Variants in FHDC1 observed in about 807,000 individuals in gnomAD.
The protein encoded by FHDC1 is FH2 domain-containing protein 1.
In FHDC1, 25 loss-of-function variants were observed where a neutral mutation model predicts 52.6. That is an observed-to-expected ratio of 0.48 (90% CI 0.35 to 0.66). FHDC1 has a LOEUF of 0.66. Ranked by LOEUF, FHDC1 falls within the 30% of genes least tolerant of loss-of-function variation. FHDC1 has a pLI of 0.01. For synonymous variants in FHDC1, 616 were observed against 581.5 expected, an observed-to-expected ratio of 1.06 and a Z score of -0.85; for missense variants, 1,459 against 1,452.8, an observed-to-expected ratio of 1.00 and a Z score of -0.07.
rs373511952 is a variant in FHDC1, at chr4:152,960,552, A to G, written c.664-13A>G. On this transcript the variant is annotated splice_polypyrimidine_tract_variant and intron_variant, in intron 4 of 11. Transcript: ENST00000511601. ...GTGATTTTATATACCCCCCCTTTCC[A>G]TTTGTCTTTTAGGTAAAGAAGTTAA... The G allele has an allele frequency of 1.1e-4, 183 of 1,609,626 alleles. 1 individual carries two copies. In the South Asian group the frequency reaches 1.4e-3, roughly 13 times the overall value.
At position 152,960,910 on chromosome 4, in the gene FHDC1, A is replaced by G. The variant is rs531155459; in HGVS notation, c.850+66A>G. 4.6e-4 allele frequency: 561 copies of G among 1,214,154 alleles called. 1 individual carries two copies. The highest frequency in any genetic ancestry group is 8.6e-4 in the Admixed American group (33 of 38,272). 75.2% of individuals were successfully genotyped at this position (1,214,154 alleles called of 1,614,324 possible). On this transcript the variant is annotated intron_variant, in intron 6 of 11. Coordinates refer to ENST00000511601, the MANE Select transcript of FHDC1 (RefSeq NM_001371116.1). ...AATTTCGATAGCAGTTTTTTAAAAA[A>G]GCCAAATGAAATTGGACATGGAAAG... is the stretch of plus-strand genomic sequence containing the variant.
intron 9 of FHDC1, among the ~76,000 whole-genome samples, chr4:152,965,621 C>CA (rs1439506557): frequency 2.6e-5 from 4 of 152,090 alleles, no homozygotes; most frequent in African/African-American, 9.7e-5. Flanking sequence ...TCCACACATC[C>CA]CACGGTAAAT....
At chr4:152,946,185 A>G (rs1028778299) in intron 2 of FHDC1, among the ~76,000 whole-genome samples, 5 of 152,218 alleles carry the variant, frequency 3.3e-5, no homozygotes, top group Non-Finnish European at 7.3e-5. Context: ...CGCTGTGTAC[A>G]TGGGTGTACA....
At chr4:152,927,829 C>G in the FHDC1 span, 3 of 1,432,978 alleles carry the variant, frequency 2.1e-6, no homozygotes, top group African/African-American at 4.2e-5. Flanking sequence ...CTCAAGAGAA[C>G]AAGAAGGAAG....
Position 152,976,946 on chromosome 4 carries a change from A to T in FHDC1, c.*223A>T. 1 of 436,440 alleles carries T rather than the reference A, an allele frequency of 2.3e-6. No individual in the cohort carries two copies. Among genetic ancestry groups the T allele is most frequent in the Non-Finnish European group, 3.9e-6 (1 of 259,480 alleles). 27.0% of individuals were successfully genotyped at this position (436,440 alleles called of 1,614,324 possible). On this transcript the variant is annotated 3_prime_UTR_variant, in exon 12 of 12. Coordinates refer to ENST00000511601, the MANE Select transcript of FHDC1 (RefSeq NM_001371116.1). ...GCGTCCAGATGGATGCACGTTCACT[A>T]CTGTGACGGCCGCACCTCCCCCATG...
chr4:152,912,606 A>G, the FHDC1 span, among the ~76,000 whole-genome samples: 13 of 152,314 alleles, frequency 8.5e-5, no homozygotes, highest in East Asian at 2.5e-3. Flanking sequence ...CCTGTTTAGT[A>G]TATTTTTTAA....
At chr4:152,936,274 G>GCGCCC (rs886672809), upstream of FHDC1, 4 of 152,218 alleles carry the variant, frequency 2.6e-5, no homozygotes, top group East Asian at 1.9e-4. Flanking sequence ...GGCTGCCGCT[G>GCGCCC]CGCCCCGCCC....
In FHDC1 at chr4:152,977,315, C is replaced by T. The variant is rs1023724713; in HGVS notation, c.*592C>T. 3.3e-5 allele frequency: 5 copies of T among 152,168 alleles called. No homozygotes were observed. Among genetic ancestry groups the T allele is most frequent in the African/African-American group, 1.2e-4 (5 of 41,436 alleles). The allele number at this position is 152,168 out of a possible 1,614,324, so 9.4% of individuals were successfully genotyped here. A position where few individuals can be genotyped will look rare whatever the true frequency, so the allele number is the denominator to read the frequency against. ...GCTGAGATGGGAAGGTCACTTGAGC[C>T]CAGGACCCCACCACTGCACTCCAGC... On this transcript the variant is annotated 3_prime_UTR_variant, in exon 12 of 12. Transcript: ENST00000511601.
Position 152,960,745 on chromosome 4 carries a change from T to A in FHDC1, c.751T>A (p.Tyr251Asn), listed in dbSNP as rs747690266. 2 of 1,612,866 alleles carry A rather than the reference T, an allele frequency of 1.2e-6. No individual in the cohort carries two copies. The highest frequency in any genetic ancestry group is 1.7e-6 in the Non-Finnish European group (2 of 1,179,692). The change falls in exon 6 of 12, where the codon TAT becomes AAT. Residue 251 changes from tyrosine (Y) to asparagine (N), a missense_variant and splice_region_variant. Physicochemically the swap from Tyr to Asn is moderately radical, Grantham distance 143. Coordinates refer to ENST00000511601, the MANE Select transcript of FHDC1 (RefSeq NM_001371116.1). Reference sequence around the variant, plus strand: ...CAGTTTTACTTTTTTATTTTTCAGCTATTCACTTCGGATTGAAGCCATGGT... The same window carrying A: ...CAGTTTTACTTTTTTATTTTTCAGCAATTCACTTCGGATTGAAGCCATGGT... Reference protein sequence around the residue: ...FLYGLIQVPNYSLRIEAMVLK... With the variant: ...FLYGLIQVPNNSLRIEAMVLK...
At chr4:152,957,854 G>A (rs376468876) in intron 4 of FHDC1, among the ~76,000 whole-genome samples, 44 of 152,172 alleles carry the variant, frequency 2.9e-4, no homozygotes, top group African/African-American at 1.1e-3. Context: ...GAGGAAGAAG[G>A]TGGGCCCAGA....
the FHDC1 span, among the ~76,000 whole-genome samples, chr4:152,915,667 G>T: frequency 6.6e-6 from 1 of 152,142 alleles, no homozygotes; most frequent in African/African-American, 2.4e-5. Context: ...GTAGTAGAAA[G>T]AATGGCAGAA....
chr4:152,976,193 C>T lies in FHDC1; in HGVS notation c.2902C>T (p.Arg968Cys), dbSNP rs201411610. ...PRGSSGSSST[R>C]PGRDVPLQPR... ...GGGGAGCAGCGGCTCCAGCAGCACC[C>T]GTCCGGGGAGGGACGTTCCCCTGCA... is the stretch of plus-strand genomic sequence containing the variant. Residue 968 changes from arginine to cysteine, a missense_variant, in exon 12 of 12, where the codon CGT becomes TGT. Around this residue, in one of 3 missense-constraint regions of FHDC1, gnomAD observed 939 missense variants for 854.5 expected, o/e 1.10. Coordinates refer to ENST00000511601, the MANE Select transcript of FHDC1 (RefSeq NM_001371116.1). 1.2e-6 allele frequency: 2 copies of T among 1,612,572 alleles called. No homozygotes were observed. The highest frequency in any genetic ancestry group is 1.7e-5 in the Admixed American group (1 of 60,006).
chr4:152,949,121 TAATAAGAAGAAGAAGAAGAAGAAGAAG>T (rs1277261963), intron 2 of FHDC1, among the ~76,000 whole-genome samples: 15 of 65,500 alleles, frequency 2.3e-4, no homozygotes, highest in East Asian at 5.2e-4. Context: ...ATAATAATAA[TAATAAGAAGAAGAAGAAGAAGAAGAAG>T]AAGAAGAAGA....
chr4:152,933,729 CAAAAAAAA>C (rs70949623), upstream of FHDC1, among the ~76,000 whole-genome samples: 2 of 60,804 alleles, frequency 3.3e-5, no homozygotes, highest in Non-Finnish European at 6.6e-5. Flanking sequence ...GACCCCGTCT[CAAAAAAAA>C]AAAAAAAAAA....
chr4:152,960,484 A>C, intron 4 of FHDC1, 81 bp from the exon 5 acceptor site: 2 of 1,198,696 alleles, frequency 1.7e-6, no homozygotes, highest in East Asian at 2.4e-5. Context: ...TTTTTAGAAG[A>C]ATTGGAAGAT....
At chr4:152,914,484 T>A in the FHDC1 span, among the ~76,000 whole-genome samples, 1 of 152,202 alleles carries the variant, frequency 6.6e-6, no homozygotes, top group Non-Finnish European at 1.5e-5. Context: ...GCACCATAAC[T>A]CTACTCTTGT....
At chr4:152,960,992 T>TA in intron 6 of FHDC1, 148 bp downstream of exon 6, 1 of 524,982 alleles carries the variant, frequency 1.9e-6, no homozygotes, top group Non-Finnish European at 3.3e-6. Context: ...GGGATGCACT[T>TA]AAGGTTGATT....
intron 6 of FHDC1, 68 bp downstream of exon 6, chr4:152,960,912 C>G: frequency 8.4e-7 from 1 of 1,195,906 alleles, no homozygotes. Context: ...TTTAAAAAAG[C>G]CAAATGAAAT....
At chr4:152,932,345 A>C (rs577867843), upstream of FHDC1, among the ~76,000 whole-genome samples, 1 of 152,194 alleles carries the variant, frequency 6.6e-6, no homozygotes, top group Non-Finnish European at 1.5e-5. Context: ...AGACTGAGGT[A>C]GGAGAATGTT....
Sources: gnomAD v4.1 joint callset for allele counts (sites outside exome capture counted in the v4.1 genomes callset) on GRCh38, gnomAD v4.1.1 for gene constraint, gnomAD v4.1.1 regional missense constraint, MANE v1.5 for transcripts, NCBI Gene and HGNC (gene_info 2026-07-23, HGNC 2026-07-21) for gene names.